The following SV2C variants were observed in gnomAD, a reference collection of about 807,000 sequenced individuals.
SV2C encodes the protein synaptic vesicle glycoprotein 2C, also known as solute carrier family 22 member B3.
In SV2C, 49 loss-of-function variants were observed where a neutral mutation model predicts 79.7. That is an observed-to-expected ratio of 0.61 (90% CI 0.49 to 0.78). SV2C has a LOEUF of 0.78. Ranked by LOEUF, SV2C falls within the 30% of genes least tolerant of loss-of-function variation. The pLI, the probability that SV2C is intolerant of heterozygous loss-of-function variation, is 0.00. For synonymous variants in SV2C, 334 were observed against 333.2 expected (o/e 1.00, Z -0.03); for missense variants, 833 against 912.9 (o/e 0.91, Z 1.13).
intron 4 of SV2C, among the ~76,000 whole-genome samples, chr5:76,222,054 C>T (rs1438899659): frequency 2.6e-5 from 4 of 152,158 alleles, no homozygotes; most frequent in Non-Finnish European, 5.9e-5. Context: ...AGAGAAACAG[C>T]ATCTCTCATG....
At chr5:76,062,111 GT>G in the SV2C span, among the ~76,000 whole-genome samples, 13 of 151,352 alleles carry the variant, frequency 8.6e-5, no homozygotes, top group African/African-American at 3.2e-4. Flanking sequence ...AAACTGGGTA[GT>G]TTTTTTTTAT....
intron 6 of SV2C, among the ~76,000 whole-genome samples, chr5:76,286,963 C>A (rs567191439): frequency 1.3e-5 from 2 of 152,082 alleles, no homozygotes; most frequent in Non-Finnish European, 2.9e-5. Context: ...AACTACAATT[C>A]GAGATGAGAT....
At chr5:75,853,300 T>C in the SV2C span, among the ~76,000 whole-genome samples, 349 of 152,228 alleles carry the variant, frequency 2.3e-3, 1 homozygote, top group Non-Finnish European at 4.0e-3. Flanking sequence ...CTCACGCCTG[T>C]AATCCCAGCA....
intron 12 of SV2C, among the ~76,000 whole-genome samples, chr5:76,323,478 C>T (rs1292954719): frequency 1.3e-5 from 2 of 152,178 alleles, no homozygotes; most frequent in African/African-American, 2.4e-5. Context: ...GACAGTACAG[C>T]GATTCCTCAA....
chr5:75,976,900 T>C, the SV2C span, among the ~76,000 whole-genome samples: 1 of 152,126 alleles, frequency 6.6e-6, no homozygotes, highest in Admixed American at 6.6e-5. Flanking sequence ...TCCCCCTCAA[T>C]GGGGAAACAC....
At chr5:76,024,949 T>C in the SV2C span, among the ~76,000 whole-genome samples, 1 of 152,248 alleles carries the variant, frequency 6.6e-6, no homozygotes, top group East Asian at 1.9e-4. Flanking sequence ...CTGCTCCAAG[T>C]TGCATGTTCA....
chr5:76,074,738 C>G, the SV2C span, among the ~76,000 whole-genome samples: 2 of 152,214 alleles, frequency 1.3e-5, no homozygotes, highest in Non-Finnish European at 2.9e-5. Context: ...CTGACCCTGC[C>G]TGGGGCAGCT....
chr5:76,193,935 TC>T (rs1744184995), intron 2 of SV2C, among the ~76,000 whole-genome samples: 1 of 152,208 alleles, frequency 6.6e-6, no homozygotes, highest in South Asian at 2.1e-4. Context: ...AGATGCTCAC[TC>T]AGTGAAAGTA....
Position 76,325,278 on chromosome 5 carries a change from C to G in SV2C, c.2001-86C>G, listed in dbSNP as rs1748954020. On this transcript the variant is annotated intron_variant, in intron 12 of 12. Transcript: ENST00000502798. ...TATACAACACAATCTGAGGGAAGAT[C>G]ATTGAAAATCTAGGATCTTTTGGTC... The G allele has an allele frequency of 6.6e-6, 9 of 1,366,808 alleles. No homozygotes were observed. The Admixed American group carries it at 1.3e-4, about 20-fold the overall frequency. 84.7% of individuals were successfully genotyped at this position (1,366,808 alleles called of 1,614,324 possible). A position where few individuals can be genotyped will look rare whatever the true frequency, so the allele number is the denominator to read the frequency against.
At chr5:75,887,212 T>C in the SV2C span, among the ~76,000 whole-genome samples, 4 of 152,150 alleles carry the variant, frequency 2.6e-5, no homozygotes, top group African/African-American at 9.6e-5. Context: ...TTTTTTTGTG[T>C]TGAGAACACT....
At chr5:75,973,357 T>C in the SV2C span, among the ~76,000 whole-genome samples, 2 of 151,748 alleles carry the variant, frequency 1.3e-5, no homozygotes, top group African/African-American at 4.8e-5. Flanking sequence ...TAGCCAAGTA[T>C]GGTAGCATGT....
chr5:75,921,367 G>T, the SV2C span: 3 of 917,384 alleles, frequency 3.3e-6, no homozygotes, highest in African/African-American at 1.6e-5. Context: ...CCTTTGGGGG[G>T]TGCTGGTAGG....
chr5:76,069,702 T>C, the SV2C span, among the ~76,000 whole-genome samples: 1 of 152,182 alleles, frequency 6.6e-6, no homozygotes, highest in East Asian at 1.9e-4. Flanking sequence ...TCCTGGCTCC[T>C]GTCTTTCCCA....
At chr5:76,012,132 G>T in the SV2C span, among the ~76,000 whole-genome samples, 1 of 152,150 alleles carries the variant, frequency 6.6e-6, no homozygotes, top group East Asian at 1.9e-4. Context: ...CCAGTAACGG[G>T]ATTGCTGGGT....
chr5:76,164,203 A>T (rs1012672882), intron 2 of SV2C, among the ~76,000 whole-genome samples: 1 of 152,234 alleles, frequency 6.6e-6, no homozygotes, highest in Admixed American at 6.5e-5. Flanking sequence ...ATTCTTTAAG[A>T]TGCCATATTT....
intron 1 of SV2C, among the ~76,000 whole-genome samples, chr5:76,103,948 A>G (rs905081113): frequency 3.3e-5 from 5 of 152,246 alleles, no homozygotes; most frequent in African/African-American, 9.6e-5. Context: ...CCTCATGAAC[A>G]TAGACACAAA....
intron 4 of SV2C, among the ~76,000 whole-genome samples, chr5:76,251,140 T>C (rs1746102449): frequency 6.6e-6 from 1 of 152,096 alleles, no homozygotes; most frequent in South Asian, 2.1e-4. Context: ...TTCAAGTCAC[T>C]CACTATTCTG....
intron 4 of SV2C, among the ~76,000 whole-genome samples, chr5:76,254,097 A>G (rs974023777): frequency 1.3e-5 from 2 of 151,908 alleles, no homozygotes; most frequent in Non-Finnish European, 2.9e-5. Flanking sequence ...CCTGGGCAAC[A>G]TAGGGAGAAA....
At chr5:76,286,346 C>T (rs948761956) in intron 6 of SV2C, among the ~76,000 whole-genome samples, 1 of 152,186 alleles carries the variant, frequency 6.6e-6, no homozygotes, top group Non-Finnish European at 1.5e-5. Context: ...TTCCTCCACT[C>T]GGCCAGGTCA....
Sources: gnomAD v4.1 joint callset for allele counts (sites outside exome capture counted in the v4.1 genomes callset) on GRCh38, gnomAD v4.1.1 for gene constraint, MANE v1.5 for transcripts, NCBI Gene and HGNC (gene_info 2026-07-23, HGNC 2026-07-21) for gene names.